The following SLC5A4 variants were observed in gnomAD, a reference collection of about 807,000 sequenced individuals.
SLC5A4 encodes probable glucose sensor protein SLC5A4.
Under a neutral mutation model 70.3 loss-of-function variants are expected in SLC5A4, and 55 were observed. The observed-to-expected ratio is 0.78, with a 90% confidence interval of 0.63 to 0.98. The LOEUF is 0.98. SLC5A4 is among the 50% of genes least tolerant of loss of function. SLC5A4 has a pLI of 0.00. For missense variants in SLC5A4, 735 were observed against 839.2 expected, an observed-to-expected ratio of 0.88 and a Z score of 1.53; for synonymous variants, 268 against 305.7, an observed-to-expected ratio of 0.88 and a Z score of 1.29.
At position 32,228,069 on chromosome 22, in the gene SLC5A4, C is replaced by T. The variant is rs534790508; in HGVS notation, c.1280+1125G>A. Among the ~76,000 whole-genome samples the T allele has an allele frequency of 2.6e-4, 39 of 152,260 alleles. No homozygotes were observed. The South Asian group carries it at 7.9e-3, about 31-fold the overall frequency. On this transcript the variant is annotated intron_variant, in intron 11 of 14. Coordinates refer to ENST00000266086, the MANE Select transcript of SLC5A4 (RefSeq NM_014227.3). ...TAGCATCACAAGTCACAGTGGTTAGCTTTGGAACGAGGTGGCCCAAGACGA... is the reference window on the plus strand; with the variant it reads ...TAGCATCACAAGTCACAGTGGTTAGTTTTGGAACGAGGTGGCCCAAGACGA...
chr22:32,300,772 T>C, the SLC5A4 span, among the ~76,000 whole-genome samples: 1 of 152,256 alleles, frequency 6.6e-6, no homozygotes, highest in East Asian at 1.9e-4. Context: ...ATGTTATGAA[T>C]GTACTACAAT....
chr22:32,245,942 T>G (rs1926797184), intron 5 of SLC5A4, among the ~76,000 whole-genome samples: 1 of 152,240 alleles, frequency 6.6e-6, no homozygotes, highest in Non-Finnish European at 1.5e-5. Context: ...TGAGCTTCTC[T>G]GCTTCCCTCT....
At chr22:32,319,335 T>TGGAACTCACACC in the SLC5A4 span, among the ~76,000 whole-genome samples, 77 of 151,702 alleles carry the variant, frequency 5.1e-4, 1 homozygote, top group African/African-American at 1.8e-3. Context: ...CGACTCACAC[T>TGGAACTCACACC]GGAACTCACA....
chr22:32,268,268 G>C, the SLC5A4 span: 1 of 151,556 alleles, frequency 6.6e-6, no homozygotes, highest in Non-Finnish European at 1.5e-5. Context: ...CACTCTAATA[G>C]CATGTACATT....
intron 4 of SLC5A4, 101 bp downstream of exon 4, chr22:32,248,642 C>A: frequency 1.1e-6 from 1 of 876,652 alleles, no homozygotes; most frequent in Non-Finnish European, 1.9e-6. Context: ...TAAATAAAGC[C>A]TTTTTTCCTG....
chr22:32,294,021 C>A, the SLC5A4 span, among the ~76,000 whole-genome samples: 2 of 152,070 alleles, frequency 1.3e-5, no homozygotes, highest in Non-Finnish European at 2.9e-5. Flanking sequence ...CCACCCCAGC[C>A]CTTTTCTGAC....
chr22:32,235,120 A>T (rs774451195), intron 7 of SLC5A4, 27 bp from the exon 8 acceptor site: 5 of 1,522,760 alleles, frequency 3.3e-6, no homozygotes, highest in Non-Finnish European at 4.5e-6. Context: ...GTAAAATGAG[A>T]TGTCTTACTG....
chr22:32,329,641 G>GT, the SLC5A4 span, among the ~76,000 whole-genome samples: 1 of 103,216 alleles, frequency 9.7e-6, no homozygotes, highest in African/African-American at 4.0e-5. Context: ...GAGGGCTCTG[G>GT]GGTGTGTGTT....
the SLC5A4 span, among the ~76,000 whole-genome samples, chr22:32,332,113 G>A: frequency 1.3e-5 from 2 of 150,298 alleles, no homozygotes; most frequent in African/African-American, 4.9e-5. Context: ...CGGCCAAGCC[G>A]CAGACATGGC....
chr22:32,337,870 CA>C, the SLC5A4 span, among the ~76,000 whole-genome samples: 1 of 152,080 alleles, frequency 6.6e-6, no homozygotes, highest in African/African-American at 2.4e-5. Flanking sequence ...GTAAATGTAG[CA>C]AAAGAACTAA....
the SLC5A4 span, among the ~76,000 whole-genome samples, chr22:32,317,471 TA>T: frequency 6.6e-6 from 1 of 151,558 alleles, no homozygotes; most frequent in African/African-American, 2.4e-5. Flanking sequence ...TAAATTATTT[TA>T]TTTTTTTAGA....
At chr22:32,220,775 T>C in intron 14 of SLC5A4, 145 bp downstream of exon 14, 1 of 665,532 alleles carries the variant, frequency 1.5e-6, no homozygotes, top group Non-Finnish European at 2.7e-6. Context: ...GTCTTGGTTT[T>C]TGGAAAGGTA....
chr22:32,302,319 C>G, the SLC5A4 span, among the ~76,000 whole-genome samples: 3 of 149,048 alleles, frequency 2.0e-5, no homozygotes, highest in Admixed American at 2.0e-4. Flanking sequence ...TTTTTACAGT[C>G]TGTAGCTTGT....
At chr22:32,266,764 A>G in the SLC5A4 span, among the ~76,000 whole-genome samples, 17 of 152,234 alleles carry the variant, frequency 1.1e-4, no homozygotes, top group African/African-American at 4.1e-4. Flanking sequence ...CCGTTAACGC[A>G]TATTTTGCAT....
the SLC5A4 span, among the ~76,000 whole-genome samples, chr22:32,260,525 A>AAAAAC: frequency 6.6e-6 from 1 of 150,400 alleles, no homozygotes; most frequent in Non-Finnish European, 1.5e-5. Context: ...AAAAAACAAA[A>AAAAAC]CCAAAAACAA....
chr22:32,323,860 A>G, the SLC5A4 span, among the ~76,000 whole-genome samples: 1 of 152,210 alleles, frequency 6.6e-6, no homozygotes, highest in African/African-American at 2.4e-5. Flanking sequence ...GGGTGGCAGC[A>G]GCCATGCCCC....
upstream of SLC5A4, among the ~76,000 whole-genome samples, chr22:32,257,659 C>CTTTTTTTTT (rs58908133): frequency 0.021 from 2,946 of 141,884 alleles, 119 homozygotes; most frequent in African/African-American, 0.074. Flanking sequence ...GCAAGGTTTT[C>CTTTTTTTTT]TTTTTTTTTT....
At chr22:32,273,090 GGCGTCACT>G in the SLC5A4 span, 1 of 494,078 alleles carries the variant, frequency 2.0e-6, no homozygotes, top group Non-Finnish European at 4.0e-6. Context: ...GGAGACAGAT[GGCGTCACT>G]GCCCACTTCT....
At chr22:32,268,298 C>G in the SLC5A4 span, 4 of 152,074 alleles carry the variant, frequency 2.6e-5, no homozygotes, top group African/African-American at 9.7e-5. Flanking sequence ...AGAGTGGTCA[C>G]GGCTGAACAA....
Sources: allele counts gnomAD v4.1 joint callset (sites outside exome capture counted in the v4.1 genomes callset), GRCh38; gene constraint gnomAD v4.1.1; transcripts MANE v1.5; gene names NCBI Gene and HGNC (gene_info 2026-07-23, HGNC 2026-07-21).